The following MAPK8IP3 variants were observed in gnomAD, a reference collection of about 807,000 sequenced individuals.
MAPK8IP3 encodes the protein mitogen-activated protein kinase 8 interacting protein 3, also known as C-Jun-amino-terminal kinase-interacting protein 3.
A neutral mutation model predicts 157.8 loss-of-function variants in MAPK8IP3; 49 were observed. The ratio of observed to expected loss-of-function variants is 0.31; its 90% confidence interval spans 0.25 to 0.39. MAPK8IP3 has a LOEUF of 0.39. MAPK8IP3 is among the 10% of genes least tolerant of loss of function. The pLI is 1.00. For missense variants in MAPK8IP3, 1,478 were observed against 1,889.4 expected, an observed-to-expected ratio of 0.78 and a Z score of 4.04; for synonymous variants, 897 against 777.7, an observed-to-expected ratio of 1.15 and a Z score of -2.55.
intron 8 of MAPK8IP3, among the ~76,000 whole-genome samples, chr16:1,754,077 G>A (rs896174102): frequency 3.3e-5 from 5 of 151,856 alleles, no homozygotes; most frequent in Non-Finnish European, 5.9e-5. Flanking sequence ...GGAGACTGAG[G>A]CAGGAGAATT....
chr16:1,718,928 G>C (rs2038336122), intron 1 of MAPK8IP3, among the ~76,000 whole-genome samples: 1 of 152,332 alleles, frequency 6.6e-6, no homozygotes, highest in Middle Eastern at 3.4e-3. Context: ...TAGGGGCTGG[G>C]CGAGGTGGCT....
At chr16:1,725,149 T>TTTATTATTATTATTATTA (rs71145429) in intron 2 of MAPK8IP3, among the ~76,000 whole-genome samples, 1 of 144,468 alleles carries the variant, frequency 6.9e-6, no homozygotes, top group African/African-American at 2.6e-5. Flanking sequence ...GCAGAAAGGG[T>TTTATTATTATTATTATTA]TTATTATTAT....
At position 1,743,103 on chromosome 16, in the gene MAPK8IP3, T is replaced by A. The variant is rs957678416; in HGVS notation, c.603-229T>A. Among the ~76,000 whole-genome samples, 33 of 151,426 alleles carry A rather than the reference T, an allele frequency of 2.2e-4. No individual in the cohort carries two copies. The highest frequency in any genetic ancestry group is 5.8e-4 in the East Asian group (3 of 5,132). On this transcript the variant is annotated intron_variant, in intron 4 of 31. Coordinates refer to ENST00000610761, the MANE Select transcript of MAPK8IP3 (RefSeq NM_001318852.2). The surrounding 1 kb of genome is among the most constrained non-coding windows in gnomAD (Gnocchi z 5.6). ...GAGCGAGACTCCGCCTCAAAAAAAA[T>A]AAAATAAAATAAAATAAAATAAAAT...
rs553137677 is a variant in MAPK8IP3, at chr16:1,737,256, G to A, written c.603-6076G>A. Among the ~76,000 whole-genome samples, 141 of 101,368 alleles carry A rather than the reference G, an allele frequency of 1.4e-3. 9 individuals are homozygous for A. Among genetic ancestry groups the A allele is most frequent in the East Asian group, 5.1e-3 (13 of 2,542 alleles). The allele number at this position is 101,368 out of a possible 152,430, so 66.5% of individuals were successfully genotyped here. On this transcript the variant is annotated intron_variant, in intron 4 of 31. Coordinates refer to ENST00000610761, the MANE Select transcript of MAPK8IP3 (RefSeq NM_001318852.2). ...TAAGCATCCGTGTGACCGTGTGAGC[G>A]TCCGTGTGAGCGTGTGAGCGTCCGT...
rs1488178743 is a variant in MAPK8IP3, at chr16:1,769,156, G to A, written c.*332G>A. On this transcript the variant is annotated 3_prime_UTR_variant, in exon 32 of 32. Coordinates refer to ENST00000610761, the MANE Select transcript of MAPK8IP3 (RefSeq NM_001318852.2). The stretch of plus-strand genomic sequence containing the variant: ...TCCGAGGTGGTCCTGGCTCTACCCT[G>A]GGCCTCCTACTCCCCAGCACCCCTG... 3 of 350,128 alleles carry A rather than the reference G, an allele frequency of 8.6e-6. No individual in the cohort carries two copies. Among genetic ancestry groups the A allele is most frequent in the Non-Finnish European group, 1.1e-5 (2 of 185,382 alleles). 21.7% of individuals were successfully genotyped at this position (350,128 alleles called of 1,614,324 possible). A position where few individuals can be genotyped will look rare whatever the true frequency, so the allele number is the denominator to read the frequency against.
At chr16:1,718,876 A>G (rs1296386637) in intron 1 of MAPK8IP3, among the ~76,000 whole-genome samples, 3 of 152,018 alleles carry the variant, frequency 2.0e-5, no homozygotes, top group Non-Finnish European at 2.9e-5. Context: ...CTCTCACCCC[A>G]AGTCTAGCCC....
intron 1 of MAPK8IP3, among the ~76,000 whole-genome samples, chr16:1,709,830 A>G (rs2037651889): frequency 6.6e-6 from 1 of 152,216 alleles, no homozygotes; most frequent in African/African-American, 2.4e-5. Context: ...AGGAAAAATA[A>G]GGTGTGAGAG....
At chr16:1,740,113 C>T (rs1371568330) in intron 4 of MAPK8IP3, among the ~76,000 whole-genome samples, 5 of 127,640 alleles carry the variant, frequency 3.9e-5, no homozygotes, top group South Asian at 3.4e-4. Context: ...TCCCTGTGAC[C>T]GTCCGTGTGA....
intron 1 of MAPK8IP3, among the ~76,000 whole-genome samples, chr16:1,712,244 G>A (rs2037838039): frequency 6.6e-6 from 1 of 151,572 alleles, no homozygotes; most frequent in Non-Finnish European, 1.5e-5. Context: ...TGTATTTTTA[G>A]TAGAGATGGG....
chr16:1,738,442 A>C (rs2040254425), intron 4 of MAPK8IP3, among the ~76,000 whole-genome samples: 1 of 78,254 alleles, frequency 1.3e-5, no homozygotes, highest in African/African-American at 5.6e-5. Context: ...GAGAGTGACC[A>C]TCCATGTGAG....
intron 8 of MAPK8IP3, among the ~76,000 whole-genome samples, chr16:1,753,604 C>G (rs1206686280): frequency 6.6e-6 from 1 of 151,792 alleles, no homozygotes; most frequent in Non-Finnish European, 1.5e-5. Flanking sequence ...CCATGCCCGG[C>G]TAATTTTTTG....
At chr16:1,736,760 G>A (rs559142591) in intron 4 of MAPK8IP3, among the ~76,000 whole-genome samples, 18 of 76,426 alleles carry the variant, frequency 2.4e-4, no homozygotes, top group African/African-American at 8.6e-4. Flanking sequence ...GTGAGCATCC[G>A]TGTGACCGTC....
At chr16:1,730,173 A>G (rs1025832263) in intron 4 of MAPK8IP3, among the ~76,000 whole-genome samples, 2 of 151,970 alleles carry the variant, frequency 1.3e-5, no homozygotes, top group South Asian at 2.1e-4. Context: ...AGAGAGGAGG[A>G]TAGCTTGAGC....
chr16:1,766,128 T>TA lies in MAPK8IP3; in HGVS notation c.2616dup (p.Asp873ArgfsTer55). On this transcript the variant is annotated frameshift_variant, in exon 21 of 32. Transcript: ENST00000610761. LOFTEE classifies it high-confidence loss of function. ...TCCTCCCGAGGGGACACCCCAGTGC[T>TA]AGACAAGGGGCAGGGTGAGTCCTGG... 1 of 1,611,328 alleles carries TA rather than the reference T, an allele frequency of 6.2e-7. No homozygotes were observed. Among genetic ancestry groups the TA allele is most frequent in the Non-Finnish European group, 8.5e-7 (1 of 1,178,992 alleles).
chr16:1,744,249 AGG>A, intron 5 of MAPK8IP3: 1 of 985,606 alleles, frequency 1.0e-6, no homozygotes, highest in Non-Finnish European at 1.2e-6. Context: ...GATTTCCCAC[AGG>A]GGCCGTCAGA....
chr16:1,708,932 G>A (rs1157775846), intron 1 of MAPK8IP3, among the ~76,000 whole-genome samples: 2 of 152,160 alleles, frequency 1.3e-5, no homozygotes, highest in Non-Finnish European at 2.9e-5. Flanking sequence ...CCTGTGGGTC[G>A]GCGTCTTTTC....
In MAPK8IP3 at chr16:1,767,926, G is replaced by A; in HGVS notation, c.3523+8G>A. The A allele has an allele frequency of 6.2e-7, 1 of 1,609,996 alleles. No individual in the cohort carries two copies. Among genetic ancestry groups the A allele is most frequent in the Non-Finnish European group, 8.5e-7 (1 of 1,179,150 alleles). ...CCATCCCCCTGACAGAGAGTGAGTG[G>A]CCTGCACACCTGCAGGGGCAGTGGT... On this transcript the variant is annotated splice_region_variant and intron_variant, in intron 28 of 31. Transcript: ENST00000610761.
Position 1,722,781 on chromosome 16 carries a change from T to C in MAPK8IP3, c.319-1776T>C, listed in dbSNP as rs541148311. Among the ~76,000 whole-genome samples, 65 of 151,930 alleles carry C rather than the reference T, an allele frequency of 4.3e-4. No homozygotes were observed. In the Middle Eastern group the frequency reaches 0.01, roughly 24 times the overall value. ...GTGCGGTGGCGCTATCTTGGCTCACTACAAGCTCTGCCTCCCAGGTTCACG... is the reference window on the plus strand; with the variant it reads ...GTGCGGTGGCGCTATCTTGGCTCACCACAAGCTCTGCCTCCCAGGTTCACG... On this transcript the variant is annotated intron_variant, in intron 1 of 31. Transcript: ENST00000610761.
chr16:1,743,098 A>T lies in MAPK8IP3; in HGVS notation c.603-234A>T, dbSNP rs1017488829. Among the ~76,000 whole-genome samples, 14 of 152,098 alleles carry T rather than the reference A, an allele frequency of 9.2e-5. No homozygotes were observed. The highest frequency in any genetic ancestry group is 2.4e-5 in the African/African-American group (1 of 41,410). ...TGACAGAGCGAGACTCCGCCTCAAA[A>T]AAAATAAAATAAAATAAAATAAAAT... On this transcript the variant is annotated intron_variant, in intron 4 of 31. Transcript: ENST00000610761. The surrounding 1 kb of genome is among the most constrained non-coding windows in gnomAD (Gnocchi z 5.6).
Sources: gnomAD v4.1 joint callset for allele counts (sites outside exome capture counted in the v4.1 genomes callset) on GRCh38, gnomAD v4.1.1 for gene constraint, Gnocchi (gnomAD v3.1) non-coding constraint, MANE v1.5 for transcripts, NCBI Gene and HGNC (gene_info 2026-07-23, HGNC 2026-07-21) for gene names.